The following KAZN variants were observed in gnomAD, a reference collection of about 807,000 sequenced individuals.
KAZN encodes the protein kazrin.
Under a neutral mutation model 87.4 loss-of-function variants are expected in KAZN, and 40 were observed. The ratio of observed to expected loss-of-function variants is 0.46; its 90% CI spans 0.36 to 0.60. The LOEUF (loss-of-function observed/expected upper bound fraction) is 0.60, where lower values mean the gene tolerates loss of function less well. Ranked by LOEUF, KAZN falls within the 20% of genes least tolerant of loss-of-function variation. KAZN has a pLI of 0.00. For synonymous variants in KAZN, 466 were observed against 458.3 expected (o/e 1.02, Z -0.22); for missense variants, 898 against 1,073.9 (o/e 0.84, Z 2.29).
At chr1:14,560,155 C>T (rs1674163973) in intron 2 of KAZN, among the ~76,000 whole-genome samples, 1 of 152,114 alleles carries the variant, frequency 6.6e-6, no homozygotes, top group Admixed American at 6.5e-5. Flanking sequence ...CCCATATCTG[C>T]CCTCACTGCT....
At chr1:14,024,096 A>G (rs1640966976) in intron 1 of KAZN, among the ~76,000 whole-genome samples, 1 of 152,238 alleles carries the variant, frequency 6.6e-6, no homozygotes, top group Non-Finnish European at 1.5e-5. Flanking sequence ...AGGAGAAAGC[A>G]TGTGGTGGCT....
intron 1 of KAZN, among the ~76,000 whole-genome samples, chr1:14,676,350 G>T (rs1640217880): frequency 6.6e-6 from 1 of 152,194 alleles, no homozygotes; most frequent in Non-Finnish European, 1.5e-5. Context: ...TGAGCTTGAG[G>T]TTAGGAGGAT....
At chr1:14,352,152 T>C (rs1237775580) in intron 2 of KAZN, among the ~76,000 whole-genome samples, 2 of 152,198 alleles carry the variant, frequency 1.3e-5, no homozygotes, top group Admixed American at 6.5e-5. Flanking sequence ...AGTATAAACA[T>C]TGTTTTATGC....
rs994462153 is a variant in KAZN at position 14,878,832 on chromosome 1, G to A, written c.227-81852G>A. On this transcript the variant is annotated intron_variant, in intron 1 of 14. Coordinates refer to ENST00000376030, the MANE Select transcript of KAZN (RefSeq NM_201628.3). ...ACGTTTCCTTCCCACATCCCACTGG[G>A]AATAGGAAAGTCCATTGAATATTCA... 2.6e-5 allele frequency among the ~76,000 whole-genome samples: 4 copies of A among 152,148 alleles called. No homozygotes were observed. In the South Asian group the frequency reaches 8.3e-4, roughly 32 times the overall value.
intron 2 of KAZN, among the ~76,000 whole-genome samples, chr1:14,410,001 AAGAT>A (rs1350287654): frequency 1.3e-5 from 2 of 152,248 alleles, no homozygotes; most frequent in Admixed American, 6.5e-5. Context: ...AATCAGCTGG[AAGAT>A]AGATATGAGG....
rs902594843 is a variant in KAZN at position 14,544,298 on chromosome 1, A to G, written c.250-54685A>G. 2.0e-5 allele frequency among the ~76,000 whole-genome samples: 3 copies of G among 150,260 alleles called. No homozygotes were observed. In the South Asian group the frequency reaches 6.3e-4, roughly 32 times the overall value. On this transcript the variant is annotated intron_variant, in intron 2 of 16. Coordinates refer to the KAZN transcript ENST00000636203. ...AGAACTGACATGCAGACAAACCACA[A>G]ATTACCACTTTGAGATTTGGGGTTT...
chr1:14,080,674 G>A (rs768190866), intron 1 of KAZN, among the ~76,000 whole-genome samples: 3 of 152,216 alleles, frequency 2.0e-5, no homozygotes, highest in African/African-American at 4.8e-5. Flanking sequence ...TGATGCTGGC[G>A]TGAGCGTTTT....
At chr1:15,012,862 C>T (rs1249891586) in intron 2 of KAZN, among the ~76,000 whole-genome samples, 1 of 152,152 alleles carries the variant, frequency 6.6e-6, no homozygotes, top group Non-Finnish European at 1.5e-5. Flanking sequence ...GCAGAGGTTG[C>T]AGTGAGTTGA....
chr1:13,893,172 C>T (rs1468642547), exon 1 of KAZN: 1 of 152,240 alleles, frequency 6.6e-6, no homozygotes, highest in Non-Finnish European at 1.5e-5. Context: ...CCCCGGGGAC[C>T]CTGGGGCAGC....
chr1:15,009,672 G>T (rs1357028515), intron 2 of KAZN, among the ~76,000 whole-genome samples: 1 of 152,208 alleles, frequency 6.6e-6, no homozygotes, highest in East Asian at 1.9e-4. Flanking sequence ...TCCACCATTT[G>T]GACCACTGGG....
At chr1:14,197,038 A>G (rs973799742) in intron 2 of KAZN, among the ~76,000 whole-genome samples, 1 of 151,984 alleles carries the variant, frequency 6.6e-6, no homozygotes, top group Non-Finnish European at 1.5e-5. Flanking sequence ...TGTGGAGGAC[A>G]TTGGTCCCTG....
At chr1:14,766,773 T>C (rs972991983) in intron 1 of KAZN, among the ~76,000 whole-genome samples, 1 of 151,304 alleles carries the variant, frequency 6.6e-6, no homozygotes, top group Non-Finnish European at 1.5e-5. Flanking sequence ...TGAACTTCAG[T>C]CTCTTCATCA....
intron 2 of KAZN, among the ~76,000 whole-genome samples, chr1:15,015,778 T>C (rs2102120244): frequency 6.6e-6 from 1 of 152,270 alleles, no homozygotes; most frequent in South Asian, 2.1e-4. Flanking sequence ...CTTGGACCCA[T>C]TGCCTCGTCT....
At chr1:14,381,146 CTG>C in intron 2 of KAZN, among the ~76,000 whole-genome samples, 1 of 152,096 alleles carries the variant, frequency 6.6e-6, no homozygotes, top group East Asian at 1.9e-4. Flanking sequence ...TAGACAAAAA[CTG>C]TAAGAGTCAA....
At chr1:14,256,641 C>G (rs1403734211) in intron 2 of KAZN, among the ~76,000 whole-genome samples, 1 of 152,110 alleles carries the variant, frequency 6.6e-6, no homozygotes, top group African/African-American at 2.4e-5. Context: ...GAGCCCATCC[C>G]TTCTTGGCTG....
At chr1:13,998,001 G>A (rs6660002) in intron 1 of KAZN, among the ~76,000 whole-genome samples, 20,730 of 152,168 alleles carry the variant, frequency 0.14, 1,538 homozygotes, top group Middle Eastern at 0.22. Flanking sequence ...CCGACAAAGG[G>A]AAGCTCATTA....
intron 2 of KAZN, among the ~76,000 whole-genome samples, chr1:15,015,500 G>A (rs1413798134): frequency 1.3e-5 from 2 of 152,146 alleles, no homozygotes; most frequent in African/African-American, 2.4e-5. Context: ...CTCACGGCCA[G>A]TTGCCCGATG....
At chr1:13,978,881 G>C (rs982903037) in intron 1 of KAZN, among the ~76,000 whole-genome samples, 1 of 151,900 alleles carries the variant, frequency 6.6e-6, no homozygotes, top group Non-Finnish European at 1.5e-5. Flanking sequence ...TGGGAGGATC[G>C]CTTGAGCTCA....
intron 1 of KAZN, among the ~76,000 whole-genome samples, chr1:14,655,692 C>T (rs1638748803): frequency 6.6e-6 from 1 of 152,184 alleles, no homozygotes; most frequent in Admixed American, 6.5e-5. Flanking sequence ...GGCTGTGGTA[C>T]AGAGCTGTTT....
Sources: allele counts gnomAD v4.1 joint callset (sites outside exome capture counted in the v4.1 genomes callset), GRCh38; gene constraint gnomAD v4.1.1; transcripts MANE v1.5; gene names NCBI Gene and HGNC (gene_info 2026-07-23, HGNC 2026-07-21).